The following AVEN variants were observed in gnomAD, a reference collection of about 807,000 sequenced individuals.
The protein encoded by AVEN is apoptosis and caspase activation inhibitor.
In AVEN, 41 loss-of-function variants were observed where a neutral mutation model predicts 38.1. The observed-to-expected ratio is 1.08, with a 90% CI of 0.84 to 1.40. The LOEUF (loss-of-function observed/expected upper bound fraction) is 1.40, where lower values mean the gene tolerates loss of function less well. AVEN is among the 40% of genes most tolerant of loss of function. The pLI, the probability that AVEN is intolerant of heterozygous loss-of-function variation, is 0.00. For synonymous variants in AVEN, 206 were observed against 171.8 expected, an observed-to-expected ratio of 1.20 and a Z score of -1.56; for missense variants, 605 against 438.8, an observed-to-expected ratio of 1.38 and a Z score of -3.38.
chr15:33,996,106 A>AG (rs1896921770), intron 2 of AVEN, among the ~76,000 whole-genome samples: 1 of 152,234 alleles, frequency 6.6e-6, no homozygotes. Flanking sequence ...TAGACCTGTG[A>AG]GGCAGCAGCC....
At chr15:33,973,091 G>A (rs1014461283) in intron 2 of AVEN, among the ~76,000 whole-genome samples, 1 of 152,154 alleles carries the variant, frequency 6.6e-6, no homozygotes, top group Non-Finnish European at 1.5e-5. Context: ...GAAATTATTA[G>A]TGAAATAACT....
In AVEN at chr15:33,894,289, T is replaced by G. The variant is rs1404985426; in HGVS notation, c.446-18294A>C. On this transcript the variant is annotated intron_variant, in intron 2 of 5. Coordinates refer to ENST00000306730, the MANE Select transcript of AVEN (RefSeq NM_020371.3). ...TAAATAGCACTACCAGCACCAAAAG[T>G]GCAGAACCAGGAAGGAGCCACTGAA... Among the ~76,000 whole-genome samples, 8 of 151,862 alleles carry G rather than the reference T, an allele frequency of 5.3e-5. No homozygotes were observed. The East Asian group carries it at 1.6e-3, about 30-fold the overall frequency.
In AVEN at chr15:34,000,017, T is replaced by C. The variant is rs903269580; in HGVS notation, c.445+3015A>G. ...CACGTTGCTTCTGCCACACTGGCCT[T>C]CCTTGCGATTCCCTATCCTCCTATC... On this transcript the variant is annotated intron_variant, in intron 2 of 5. Transcript: ENST00000306730. Among the ~76,000 whole-genome samples, 6 of 152,308 alleles carry C rather than the reference T, an allele frequency of 3.9e-5. No individual in the cohort carries two copies. In the South Asian group the frequency reaches 1.2e-3, roughly 32 times the overall value.
At chr15:33,857,551 C>G (rs2079822138), downstream of AVEN, among the ~76,000 whole-genome samples, 1 of 152,096 alleles carries the variant, frequency 6.6e-6, no homozygotes, top group African/African-American at 2.4e-5. Flanking sequence ...GCCCCCAACA[C>G]CCCATCATTA....
At position 33,866,340 on chromosome 15, in the gene AVEN, G is replaced by C; in HGVS notation, c.*273C>G. 2 of 485,028 alleles carry C rather than the reference G, an allele frequency of 4.1e-6. No homozygotes were observed. The highest frequency in any genetic ancestry group is 3.7e-6 in the Non-Finnish European group (1 of 272,778). The allele number at this position is 485,028 out of a possible 1,614,324, so 30.0% of individuals were successfully genotyped here. A position where few individuals can be genotyped will look rare whatever the true frequency, so the allele number is the denominator to read the frequency against. ...AAACACTGGCTATGTTGTAAACACT[G>C]CAAGGAAGGAGGCTAGAAACAAGGG... On this transcript the variant is annotated 3_prime_UTR_variant, in exon 6 of 6. Coordinates refer to ENST00000306730, the MANE Select transcript of AVEN (RefSeq NM_020371.3).
chr15:34,018,921 T>G lies in AVEN; in HGVS notation c.268-15712A>C, dbSNP rs1454552739. Reference sequence around the variant, plus strand: ...TGCTGATTGGTGCATTTTTACAGAGTGCTGATTGGTGTTTTTTACAATCCT... The same window carrying G: ...TGCTGATTGGTGCATTTTTACAGAGGGCTGATTGGTGTTTTTTACAATCCT... On this transcript the variant is annotated intron_variant, in intron 1 of 5. Transcript: ENST00000306730. Among the ~76,000 whole-genome samples, 3 of 151,826 alleles carry G rather than the reference T, an allele frequency of 2.0e-5. No individual in the cohort carries two copies. The East Asian group carries it at 5.8e-4, about 29-fold the overall frequency.
At chr15:33,914,345 C>T (rs972336418) in intron 2 of AVEN, among the ~76,000 whole-genome samples, 6 of 151,896 alleles carry the variant, frequency 4.0e-5, no homozygotes, top group Admixed American at 3.9e-4. Context: ...CGCACAGATG[C>T]CAAAGAAGTA....
intron 2 of AVEN, among the ~76,000 whole-genome samples, chr15:33,988,794 A>G (rs532239236): frequency 1.0e-3 from 157 of 152,386 alleles, no homozygotes; most frequent in Admixed American, 2.3e-3. Flanking sequence ...TATCCCATGC[A>G]GCAAGAAGGA....
chr15:33,931,342 A>G (rs1893834923), intron 2 of AVEN, among the ~76,000 whole-genome samples: 1 of 131,824 alleles, frequency 7.6e-6, no homozygotes, highest in Admixed American at 7.7e-5. Context: ...ACTATGCTGA[A>G]TATTTTCTTT....
At chr15:33,897,986 G>C (rs958216762) in intron 2 of AVEN, among the ~76,000 whole-genome samples, 2 of 152,144 alleles carry the variant, frequency 1.3e-5, no homozygotes, top group Non-Finnish European at 2.9e-5. Flanking sequence ...TCAGGAGATC[G>C]AGACCATCCT....
intron 2 of AVEN, among the ~76,000 whole-genome samples, chr15:33,939,766 C>T (rs983045065): frequency 6.6e-6 from 1 of 152,144 alleles, no homozygotes; most frequent in Non-Finnish European, 1.5e-5. Context: ...TGTTGAAACA[C>T]TACCCCCTAA....
chr15:33,873,149 G>C (rs1597175310), intron 3 of AVEN, among the ~76,000 whole-genome samples: 1 of 136,854 alleles, frequency 7.3e-6, no homozygotes, highest in East Asian at 2.2e-4. Context: ...GCCCAGGCTG[G>C]AGTGCAATGG....
intron 4 of AVEN, among the ~76,000 whole-genome samples, chr15:33,869,490 C>T (rs1174751580): frequency 6.6e-6 from 1 of 152,144 alleles, no homozygotes; most frequent in African/African-American, 2.4e-5. Flanking sequence ...GAGATCAAGC[C>T]AAGCACTTCA....
At chr15:33,984,566 C>T (rs1179222875) in intron 2 of AVEN, among the ~76,000 whole-genome samples, 1 of 152,066 alleles carries the variant, frequency 6.6e-6, no homozygotes, top group Non-Finnish European at 1.5e-5. Context: ...TCACACCCGG[C>T]TAATTTTGTA....
chr15:34,032,965 C>A (rs1314793675), intron 1 of AVEN, among the ~76,000 whole-genome samples: 2 of 152,156 alleles, frequency 1.3e-5, no homozygotes, highest in Non-Finnish European at 2.9e-5. Flanking sequence ...TTAAAAATAA[C>A]TTTTTGGCAT....
intron 3 of AVEN, among the ~76,000 whole-genome samples, chr15:33,873,062 CAA>C (rs1891054826): frequency 6.7e-6 from 1 of 149,698 alleles, no homozygotes; most frequent in Non-Finnish European, 1.5e-5. Context: ...CCTTTAACTG[CAA>C]AGACAAAACA....
intron 2 of AVEN, among the ~76,000 whole-genome samples, chr15:33,986,777 C>T (rs571633796): frequency 2.0e-3 from 301 of 151,676 alleles, no homozygotes; most frequent in Non-Finnish European, 3.5e-3. Context: ...CTGTGTCAGC[C>T]GCCCGAGTAG....
chr15:33,993,837 AG>A (rs901339230), intron 2 of AVEN, among the ~76,000 whole-genome samples: 7 of 3,062 alleles, frequency 2.3e-3, no homozygotes, highest in Admixed American at 0.014. Context: ...CTTAAAAAAT[AG>A]GGTTTTTTTT....
chr15:33,921,663 A>G (rs1893398723), intron 2 of AVEN, among the ~76,000 whole-genome samples: 1 of 152,220 alleles, frequency 6.6e-6, no homozygotes, highest in Non-Finnish European at 1.5e-5. Context: ...GAATATTTAG[A>G]AAACAATGAC....
Sources: gnomAD v4.1 joint callset for allele counts (sites outside exome capture counted in the v4.1 genomes callset) on GRCh38, gnomAD v4.1.1 for gene constraint, MANE v1.5 for transcripts, NCBI Gene and HGNC (gene_info 2026-07-23, HGNC 2026-07-21) for gene names.